The following DGKH variants were observed in gnomAD, a reference collection of about 807,000 sequenced individuals.
DGKH encodes the protein DAG kinase eta.
A neutral mutation model predicts 159.3 loss-of-function variants in DGKH; 90 were observed. That is an observed-to-expected ratio of 0.57 (90% CI 0.48 to 0.67). DGKH has a LOEUF of 0.67. Among genes scored for constraint, DGKH ranks in the 30% least tolerant of loss-of-function variants. DGKH has a pLI of 0.00. For synonymous variants in DGKH, 536 were observed against 553.8 expected, an observed-to-expected ratio of 0.97 and a Z score of 0.45; for missense variants, 1,181 against 1,506.1, an observed-to-expected ratio of 0.78 and a Z score of 3.57.
At chr13:42,125,499 TCCA>T (rs1955152443) in intron 1 of DGKH, among the ~76,000 whole-genome samples, 1 of 152,194 alleles carries the variant, frequency 6.6e-6, no homozygotes, top group Non-Finnish European at 1.5e-5. Flanking sequence ...GGGTAATTTG[TCCA>T]GGTTCATACT....
chr13:42,157,456 T>G (rs1956073276), intron 5 of DGKH, among the ~76,000 whole-genome samples: 1 of 152,152 alleles, frequency 6.6e-6, no homozygotes, highest in Non-Finnish European at 1.5e-5. Flanking sequence ...AATTACATTA[T>G]TTGGTGAGAA....
chr13:42,190,568 G>A, intron 16 of DGKH, 43 bp downstream of exon 16: 1 of 1,543,990 alleles, frequency 6.5e-7, no homozygotes, highest in South Asian at 1.2e-5. Flanking sequence ...TAAATAAAAT[G>A]TCATTTTGCT....
At chr13:42,105,045 ATG>A (rs374787844) in intron 1 of DGKH, among the ~76,000 whole-genome samples, 1 of 134,348 alleles carries the variant, frequency 7.4e-6, no homozygotes, top group Admixed American at 7.6e-5. Context: ...GTATGTATGT[ATG>A]TGTAGTTTTA....
chr13:42,120,907 A>C, intron 1 of DGKH, among the ~76,000 whole-genome samples: 1 of 152,140 alleles, frequency 6.6e-6, no homozygotes, highest in Admixed American at 6.5e-5. Context: ...TGATCCAACC[A>C]AAGTTATGAA....
chr13:42,225,445 T>G (rs1958099776), intron 29 of DGKH: 2 of 1,043,410 alleles, frequency 1.9e-6, no homozygotes, highest in South Asian at 3.4e-5. Context: ...TGTCAAAATT[T>G]GGACTGTTTA....
At chr13:42,225,449 C>T (rs1566214348) in intron 29 of DGKH, 1 of 1,002,990 alleles carries the variant, frequency 1.0e-6, no homozygotes, top group South Asian at 1.8e-5. Context: ...AAAATTTGGA[C>T]TGTTTATCCA....
At chr13:42,204,795 A>C (rs573266456) in intron 20 of DGKH, among the ~76,000 whole-genome samples, 1 of 152,304 alleles carries the variant, frequency 6.6e-6, no homozygotes, top group African/African-American at 2.4e-5. Flanking sequence ...TCACTACTGA[A>C]TAGACATTAA....
chr13:42,042,960 AAGT>A (rs1880599169), intron 1 of DGKH, among the ~76,000 whole-genome samples: 4 of 152,232 alleles, frequency 2.6e-5, no homozygotes, highest in Admixed American at 2.6e-4. Flanking sequence ...TTAGGGAAAA[AAGT>A]AGTGTTTAAA....
At chr13:42,151,016 C>T (rs1177407653) in intron 3 of DGKH, among the ~76,000 whole-genome samples, 3 of 151,874 alleles carry the variant, frequency 2.0e-5, no homozygotes, top group South Asian at 2.1e-4. Flanking sequence ...GGGCTGCAAG[C>T]GGAGGAAGGT....
rs55668821 is a variant in DGKH at position 42,207,695 on chromosome 13, G to GTATATA, written c.2602-1248_2602-1243dup. Among the ~76,000 whole-genome samples the GTATATA allele has an allele frequency of 1.0e-3, 140 of 140,278 alleles. 2 individuals carry two copies. The highest frequency in any genetic ancestry group is 3.9e-3 in the Middle Eastern group (1 of 256). 92.0% of individuals were successfully genotyped at this position (140,278 alleles called of 152,430 possible). Reference sequence around the variant, plus strand: ...AGAGAGGGCACAATTATTAAAGTGTGTATATATATATATATATATATCAGT... The same window carrying GTATATA: ...AGAGAGGGCACAATTATTAAAGTGTGTATATATATATATATATATATATATATCAGT... On this transcript the variant is annotated intron_variant, in intron 21 of 29. Transcript: ENST00000337343.
At chr13:42,093,534 G>A (rs1237432557) in intron 1 of DGKH, among the ~76,000 whole-genome samples, 1 of 152,070 alleles carries the variant, frequency 6.6e-6, no homozygotes, top group Admixed American at 6.5e-5. Context: ...TTGAAAGCAG[G>A]GTCTTAAAGT....
At chr13:42,046,513 T>A (rs1267389319), upstream of DGKH, among the ~76,000 whole-genome samples, 1 of 152,202 alleles carries the variant, frequency 6.6e-6, no homozygotes, top group African/African-American at 2.4e-5. Context: ...TGAGGTTAAA[T>A]CTTTATGAGA....
At chr13:42,142,717 G>T (rs1480820914) in intron 3 of DGKH, among the ~76,000 whole-genome samples, 1 of 152,120 alleles carries the variant, frequency 6.6e-6, no homozygotes, top group African/African-American at 2.4e-5. Context: ...TGGTGTATAA[G>T]AATGCTTGTG....
chr13:42,097,740 G>T (rs1320954201), intron 1 of DGKH, among the ~76,000 whole-genome samples: 1 of 152,164 alleles, frequency 6.6e-6, no homozygotes, highest in African/African-American at 2.4e-5. Context: ...TTCCTGGGTG[G>T]GGGAGGCAGT....
At chr13:42,202,674 A>G (rs564609574) in intron 20 of DGKH, among the ~76,000 whole-genome samples, 2 of 152,252 alleles carry the variant, frequency 1.3e-5, no homozygotes, top group Admixed American at 6.5e-5. Flanking sequence ...ATTCTGATAT[A>G]TACTCAACTT....
intron 1 of DGKH, among the ~76,000 whole-genome samples, chr13:42,053,542 A>T: frequency 1.1e-5 from 1 of 92,114 alleles, no homozygotes; most frequent in East Asian, 4.1e-4. Context: ...ATATGTATAT[A>T]TATAACTATA....
chr13:42,249,960 A>AGTTTTTTT (rs374650812), intron 29 of DGKH, among the ~76,000 whole-genome samples: 93 of 145,644 alleles, frequency 6.4e-4, no homozygotes, highest in African/African-American at 2.2e-3. Flanking sequence ...CTCCAGCTCC[A>AGTTTTTTT]GTTTTTTTGT....
intron 1 of DGKH, chr13:42,069,963 A>C: frequency 2.7e-6 from 2 of 737,922 alleles, no homozygotes; most frequent in Admixed American, 2.2e-5. Flanking sequence ...GCTGAACTTC[A>C]TCAATATCAA....
chr13:42,187,192 T>C (rs2138098336), intron 14 of DGKH, 44 bp downstream of exon 14: 1 of 1,482,926 alleles, frequency 6.7e-7, no homozygotes, highest in Non-Finnish European at 9.4e-7. Context: ...TTATGGACAA[T>C]GCTCACATTC....
Sources: gnomAD v4.1 joint callset for allele counts (sites outside exome capture counted in the v4.1 genomes callset) on GRCh38, gnomAD v4.1.1 for gene constraint, MANE v1.5 for transcripts, NCBI Gene and HGNC (gene_info 2026-07-23, HGNC 2026-07-21) for gene names.